Variants in MAGED2 observed in about 807,000 individuals in gnomAD.
MAGED2 encodes the protein melanoma-associated antigen D2.
MAGED2 carries 6 observed loss-of-function variants against 41.7 expected under a neutral mutation model. That is an observed-to-expected ratio of 0.14 (90% CI 0.08 to 0.28). The LOEUF (loss-of-function observed/expected upper bound fraction) is 0.28. Among genes scored for constraint, MAGED2 ranks in the 10% least tolerant of loss-of-function variants. The probability of loss-of-function intolerance (pLI) is 1.00; values close to 1 mark genes in which losing one functional copy is unlikely to be tolerated. For missense variants in MAGED2, 343 were observed against 486.4 expected, an observed-to-expected ratio of 0.71 and a Z score of 2.77; for synonymous variants, 146 against 178.2, an observed-to-expected ratio of 0.82 and a Z score of 1.44.
rs979212112 is a variant in MAGED2 at position 54,815,938 on chromosome X, C to G, written c.*66C>G. 2.2e-5 allele frequency: 8 copies of G among 362,058 alleles called. No homozygotes were observed. The highest frequency in any genetic ancestry group is 3.8e-5 in the Non-Finnish European group (8 of 211,595). The allele number at this position is 362,058 out of a possible 1,213,427, so 29.8% of individuals were successfully genotyped here. A position where few individuals can be genotyped will look rare whatever the true frequency, so the allele number is the denominator to read the frequency against. On this transcript the variant is annotated 3_prime_UTR_variant, in exon 13 of 13. Transcript: ENST00000375068. ...GCCAGGGTGCATCCTCAGAAACCTA[C>G]TCAACACAGCACTCTAGGCAGCCAC...
chrX:54,815,576 G>T lies in MAGED2; in HGVS notation c.1715G>T (p.Gly572Val). Residue 572 changes from glycine (G) to valine (V), a missense_variant, in exon 12 of 13, where the codon GGT (glycine) becomes GTT (valine). Around this residue, in one of 3 missense-constraint regions of MAGED2, gnomAD observed 53 missense variants for 60.4 expected, o/e 0.88. Transcript: ENST00000375068. ...AGCACCAGTGGTGGCTTCAGTGCTG[G>T]TGCCAGCCTGACCGCCACTCTCACA... The part of the protein sequence containing the change: ...SASTSGGFSA[G>V]ASLTATLTFG... The T allele has an allele frequency of 8.5e-7, 1 of 1,169,778 alleles. No individual in the cohort carries two copies. The highest frequency in any genetic ancestry group is 1.8e-5 in the African/African-American group (1 of 56,638).
chrX:54,813,524 C>G lies in MAGED2; in HGVS notation c.1245C>G (p.Leu415=). ...CACTCTTTGGGGACGTGAAGAAGCT[C>G]ATCACTGATGAGTTTGTGAAGCAGA... is the stretch of plus-strand genomic sequence containing the variant. ...HHSLFGDVKK[L]ITDEFVKQKY... Residue 415 remains leucine, a synonymous_variant, in exon 10 of 13, where the codon CTC becomes CTG. Transcript: ENST00000375068. The G allele has an allele frequency of 8.3e-7, 1 of 1,208,377 alleles. No individual in the cohort carries two copies. Among genetic ancestry groups the G allele is most frequent in the South Asian group, 1.8e-5 (1 of 56,860 alleles).
At chrX:54,810,747 C>T in intron 3 of MAGED2, 74 bp from the exon 4 acceptor site, 1 of 954,260 alleles carries the variant, frequency 1.0e-6, no homozygotes, top group African/African-American at 1.9e-5. Flanking sequence ...CGGGTGCTTC[C>T]TGGAAGAGAT....
rs372424163 is a variant in MAGED2, at chrX:54,811,334, C to G, written c.910+21C>G. 1.2e-5 allele frequency: 14 copies of G among 1,192,658 alleles called. No individual in the cohort carries two copies. The East Asian group carries it at 1.2e-4, about 10-fold the overall frequency. ...CTCGGGTAAAGTCCTACCAATCCTCCCTCTGCCCTGAGCTCTGCCCTCCAT... is the reference window on the plus strand; with the variant it reads ...CTCGGGTAAAGTCCTACCAATCCTCGCTCTGCCCTGAGCTCTGCCCTCCAT... On this transcript the variant is annotated intron_variant, in intron 5 of 12. Coordinates refer to ENST00000375068, the MANE Select transcript of MAGED2 (RefSeq NM_177433.3).
chrX:54,810,944 C>T lies in MAGED2; in HGVS notation c.661C>T (p.Pro221Ser). Residue 221 changes from proline to serine, a missense_variant, in exon 4 of 13, where the codon CCC becomes TCC. Pro to Ser is a moderately conservative substitution (Grantham distance 74, BLOSUM62 -1). Transcript: ENST00000375068. ...ASMARRASRGPIAFWARRASR... is the reference protein window; with the variant it reads ...ASMARRASRGSIAFWARRASR... ...AATGGCCCGCAGGGCTTCAAGGGGT[C>T]CCATAGCCTTTTGGGCCCGCAGGGC... is the stretch of plus-strand genomic sequence containing the variant. The T allele has an allele frequency of 8.3e-7, 1 of 1,206,201 alleles. No individual in the cohort carries two copies. Among genetic ancestry groups the T allele is most frequent in the South Asian group, 1.8e-5 (1 of 56,129 alleles).
At position 54,809,922 on chromosome X, in the gene MAGED2, G is replaced by A; in HGVS notation, c.246G>A (p.Gln82=). Residue 82 remains glutamine, a synonymous_variant, in exon 3 of 13, where the codon CAG becomes CAA. Coordinates refer to ENST00000375068, the MANE Select transcript of MAGED2 (RefSeq NM_177433.3). ...AGGCTCGGGAGGCACCTGCCACCCA[G>A]GCCTCATCTACTACTCAGCTGACTG... The part of the protein sequence containing the change: ...TPEAREAPAT[Q]ASSTTQLTDT... 1 of 1,199,534 alleles carries A rather than the reference G, an allele frequency of 8.3e-7. No homozygotes were observed. The highest frequency in any genetic ancestry group is 2.3e-5 in the Admixed American group (1 of 44,204).
At chrX:54,808,162 G>A (rs148629340) in intron 1 of MAGED2, among the ~76,000 whole-genome samples, 75 of 110,638 alleles carry the variant, frequency 6.8e-4, no homozygotes, top group Middle Eastern at 9.2e-3. Context: ...GTAACACGGA[G>A]GAGGATGTAA....
chrX:54,813,090 C>G, intron 8 of MAGED2, 28 bp from the exon 9 acceptor site: 2 of 1,211,902 alleles, frequency 1.7e-6, no homozygotes. Flanking sequence ...CAATTTCTGT[C>G]CCTGTCTCCT....
chrX:54,808,957 A>G (rs953618782), intron 1 of MAGED2: 10 of 275,272 alleles, frequency 3.6e-5, no homozygotes, highest in Non-Finnish European at 6.6e-5. Context: ...CACGGTGGAC[A>G]TCAAAGAAAG....
rs1286327145 is a variant in MAGED2, at chrX:54,810,910, A to G, written c.627A>G (p.Leu209=). The part of the protein sequence containing the change: ...TTGGRRVSKA[L]MASMARRASR... ...GTGGCCGAAGGGTCTCAAAGGCCCT[A>G]ATGGCCTCAATGGCCCGCAGGGCTT... Residue 209 remains leucine, a synonymous_variant, in exon 4 of 13, where the codon CTA becomes CTG. Transcript: ENST00000375068. The G allele has an allele frequency of 8.3e-6, 10 of 1,206,361 alleles. No individual in the cohort carries two copies. The highest frequency in any genetic ancestry group is 1.1e-5 in the Non-Finnish European group (10 of 892,661).
In MAGED2 at chrX:54,809,383, C is replaced by T; in HGVS notation, c.45+7C>T. The T allele has an allele frequency of 8.3e-7, 1 of 1,203,312 alleles. No individual in the cohort carries two copies. Among genetic ancestry groups the T allele is most frequent in the Non-Finnish European group, 1.1e-6 (1 of 887,889 alleles). ...AGGTCTAACTCGCTTCCAGGTAAGG[C>T]CTCTTTCTGTCCTTTCCCCAGCTGC... On this transcript the variant is annotated splice_region_variant and intron_variant, in intron 2 of 12. Coordinates refer to ENST00000375068, the MANE Select transcript of MAGED2 (RefSeq NM_177433.3).
At position 54,809,915 on chromosome X, in the gene MAGED2, C is replaced by T; in HGVS notation, c.239C>T (p.Ala80Val). The T allele has an allele frequency of 8.4e-7, 1 of 1,197,169 alleles. No individual in the cohort carries two copies. The highest frequency in any genetic ancestry group is 1.8e-5 in the South Asian group (1 of 55,134). ...ACCCCAGAGGCTCGGGAGGCACCTG[C>T]CACCCAGGCCTCATCTACTACTCAG... ...SKTPEAREAPATQASSTTQLT... is the reference protein window; with the variant it reads ...SKTPEAREAPVTQASSTTQLT... The change falls in exon 3 of 13, where the codon GCC (alanine) becomes GTC (valine). Residue 80 changes from alanine (A) to valine (V), a missense_variant. Physicochemically the swap from Ala to Val is moderately conservative, Grantham distance 64. Around this residue, in one of 3 missense-constraint regions of MAGED2, gnomAD observed 195 missense variants for 221.2 expected, o/e 0.88. Coordinates refer to ENST00000375068, the MANE Select transcript of MAGED2 (RefSeq NM_177433.3).
At position 54,813,103 on chromosome X, in the gene MAGED2, T is replaced by C; in HGVS notation, c.1166-15T>C. Reference sequence around the variant, plus strand: ...TTCAATTTCTGTCCCTGTCTCCTCTTGCCTCCCCTCGCAGCTGTCATCTGG... The same window carrying C: ...TTCAATTTCTGTCCCTGTCTCCTCTCGCCTCCCCTCGCAGCTGTCATCTGG... On this transcript the variant is annotated splice_polypyrimidine_tract_variant and intron_variant, in intron 8 of 12. Transcript: ENST00000375068. 1 of 1,211,958 alleles carries C rather than the reference T, an allele frequency of 8.3e-7. No individual in the cohort carries two copies. Among genetic ancestry groups the C allele is most frequent in the Non-Finnish European group, 1.1e-6 (1 of 895,635 alleles).
chrX:54,812,096 G>C, intron 6 of MAGED2, 61 bp from the exon 7 acceptor site: 1 of 645,623 alleles, frequency 1.5e-6, no homozygotes. Context: ...TACATAGGGA[G>C]CTGCAGCATG....
intron 11 of MAGED2, among the ~76,000 whole-genome samples, 192 bp downstream of exon 11, chrX:54,814,967 C>T (rs1929916279): frequency 8.9e-6 from 1 of 112,057 alleles, no homozygotes; most frequent in Admixed American, 9.4e-5. Flanking sequence ...TGCCCTGTTA[C>T]AGATGAGAAA....
At position 54,815,292 on chromosome X, in the gene MAGED2, G is replaced by A. The variant is rs751416614; in HGVS notation, c.1431G>A (p.Glu477=). 131 of 1,167,801 alleles carry A rather than the reference G, an allele frequency of 1.1e-4. 1 individual carries two copies. The Middle Eastern group carries it at 1.7e-3, about 15-fold the overall frequency. Residue 477 remains glutamate (E), a synonymous_variant, in exon 12 of 13, where the codon GAG becomes GAA. Coordinates refer to ENST00000375068, the MANE Select transcript of MAGED2 (RefSeq NM_177433.3). Reference sequence around the variant, plus strand: ...AGGAATGGGCAGCTCAGTACCGAGAGGCGATGGAAGCGGATTTGAAGGCTG... The same window carrying A: ...AGGAATGGGCAGCTCAGTACCGAGAAGCGATGGAAGCGGATTTGAAGGCTG... ...DPKEWAAQYR[E]AMEADLKAAA...
chrX:54,808,131 T>G (rs1344807847), intron 1 of MAGED2, among the ~76,000 whole-genome samples: 1 of 110,454 alleles, frequency 9.1e-6, no homozygotes, highest in Non-Finnish European at 1.9e-5. Context: ...TAAGGAATAC[T>G]GAGGGGCAGG....
Position 54,815,429 on chromosome X carries a change from T to C in MAGED2, c.1568T>C (p.Ile523Thr). 2.5e-6 allele frequency: 3 copies of C among 1,207,564 alleles called. No homozygotes were observed. Among genetic ancestry groups the C allele is most frequent in the Non-Finnish European group, 3.4e-6 (3 of 893,042 alleles). The change falls in exon 12 of 13, where the codon ATC becomes ACC. Residue 523 changes from isoleucine to threonine, a missense_variant. Ile to Thr is a moderately conservative substitution (Grantham distance 89). This residue lies in a region of MAGED2 where 95 missense variants were observed against 204.8 expected (regional missense o/e 0.46). Coordinates refer to ENST00000375068, the MANE Select transcript of MAGED2 (RefSeq NM_177433.3). ...AGPCNWDEAD[I>T]GPWAKARIQA... ...CCCTGCAACTGGGACGAAGCTGATA[T>C]CGGACCCTGGGCCAAAGCCCGGATC...
chrX:54,810,780 G>A, intron 3 of MAGED2, 41 bp from the exon 4 acceptor site: 1 of 1,105,587 alleles, frequency 9.0e-7, no homozygotes, highest in Non-Finnish European at 1.2e-6. Flanking sequence ...AGGACCACTT[G>A]CTTCATCTGG....
Sources: allele counts gnomAD v4.1 joint callset (sites outside exome capture counted in the v4.1 genomes callset), GRCh38; gene constraint gnomAD v4.1.1; regional missense constraint gnomAD v4.1.1; transcripts MANE v1.5; gene names NCBI Gene and HGNC (gene_info 2026-07-23, HGNC 2026-07-21).